CLSTN1: variants seen among roughly 807,000 people sequenced by gnomAD.
The protein encoded by CLSTN1 is calsyntenin-1.
In CLSTN1, 28 loss-of-function variants were observed where a neutral mutation model predicts 108.3. That is an observed-to-expected ratio of 0.26 (90% confidence interval 0.19 to 0.35). CLSTN1 has a LOEUF of 0.35. CLSTN1 is among the 10% of genes least tolerant of loss of function. The probability of loss-of-function intolerance (pLI) is 1.00; values close to 1 mark genes in which losing one functional copy is unlikely to be tolerated. For synonymous variants in CLSTN1, 524 were observed against 534.9 expected (o/e 0.98, Z 0.28); for missense variants, 1,157 against 1,302.6 (o/e 0.89, Z 1.72).
intron 11 of CLSTN1, 109 bp from the exon 12 acceptor site, chr1:9,736,151 T>G: frequency 7.6e-7 from 1 of 1,320,448 alleles, no homozygotes; most frequent in Non-Finnish European, 1.1e-6. Context: ...TGGATGGACA[T>G]GCGGGTTAGT....
chr1:9,807,647 G>A (rs1654562480), intron 1 of CLSTN1, among the ~76,000 whole-genome samples: 1 of 152,204 alleles, frequency 6.6e-6, no homozygotes, highest in African/African-American at 2.4e-5. Context: ...GAAAGGCGTG[G>A]CCACCGTGAA....
At chr1:9,746,385 C>G (rs747339880) in intron 7 of CLSTN1, among the ~76,000 whole-genome samples, 3 of 152,190 alleles carry the variant, frequency 2.0e-5, no homozygotes, top group African/African-American at 4.8e-5. Flanking sequence ...GCTGGACCAG[C>G]CTGGCCTCTT....
intron 2 of CLSTN1, among the ~76,000 whole-genome samples, chr1:9,769,694 G>A (rs921589306): frequency 1.3e-5 from 2 of 152,158 alleles, no homozygotes; most frequent in African/African-American, 4.8e-5. Context: ...ACAGTGGTTG[G>A]CAGGTGCATG....
Position 9,797,581 on chromosome 1 carries a change from C to T in CLSTN1, c.92-24187G>A, listed in dbSNP as rs374553561. ...ATGTGAGCCCAGGAGTTGGAGGTTGCAGTGAGCTATGATTATGCTACTGCA... is the reference window on the plus strand; with the variant it reads ...ATGTGAGCCCAGGAGTTGGAGGTTGTAGTGAGCTATGATTATGCTACTGCA... On this transcript the variant is annotated intron_variant, in intron 1 of 18. Transcript: ENST00000377298. Among the ~76,000 whole-genome samples the T allele has an allele frequency of 2.6e-4, 39 of 152,142 alleles. 1 individual carries two copies. In the East Asian group the frequency reaches 4.1e-3, roughly 16 times the overall value.
chr1:9,740,554 G>C (rs1650926871), intron 10 of CLSTN1, among the ~76,000 whole-genome samples: 1 of 152,162 alleles, frequency 6.6e-6, no homozygotes. Flanking sequence ...AGAAGCACTG[G>C]TGCTCTGGTG....
Position 9,816,906 on chromosome 1 carries a change from C to T in CLSTN1, c.91+6737G>A, listed in dbSNP as rs145408493. Among the ~76,000 whole-genome samples the T allele has an allele frequency of 6.1e-3, 932 of 152,312 alleles. 48 individuals carry two copies. The highest frequency in any genetic ancestry group is 0.052 in the Admixed American group (798 of 15,298). On this transcript the variant is annotated intron_variant, in intron 1 of 18. Coordinates refer to ENST00000377298, the MANE Select transcript of CLSTN1 (RefSeq NM_001009566.3). ...AGATGATCCGCCCACCTCGGCCTCC[C>T]GAAGTGCTAGGATTACAGACGTGAG... is the stretch of plus-strand genomic sequence containing the variant.
rs1016075345 is a variant in CLSTN1 at position 9,734,147 on chromosome 1, A to G, written c.2111-5T>C. ...CGGACACCAGTGATTCTTGAACTGC[A>G]AAAGAGGCCCAACCAGAAATATTAA... On this transcript the variant is annotated splice_region_variant and splice_polypyrimidine_tract_variant and intron_variant, in intron 14 of 18. Transcript: ENST00000377298. This position sits in a 1 kb window ranked among gnomAD's most constrained non-coding sequence, Gnocchi z 4.8. The G allele has an allele frequency of 2.5e-6, 4 of 1,613,772 alleles. No individual in the cohort carries two copies. The highest frequency in any genetic ancestry group is 2.2e-5 in the South Asian group (2 of 91,062).
rs756260826 is a variant in CLSTN1, at chr1:9,735,560, T to C, written c.1790A>G (p.Glu597Gly). The change falls in exon 13 of 19, where the codon GAA becomes GGA. Residue 597 changes from glutamate to glycine, a missense_variant. Coordinates refer to ENST00000377298, the MANE Select transcript of CLSTN1 (RefSeq NM_001009566.3). ...GATGTGCTGCATGGCCTTATCCAAT[T>C]CCCCGAGGTCTTCTCCCTCCAAGGT... ...VLTLEGEDLG[E>G]LDKAMQHISY... 3.1e-6 allele frequency: 5 copies of C among 1,614,104 alleles called. No homozygotes were observed. The highest frequency in any genetic ancestry group is 1.3e-5 in the African/African-American group (1 of 75,020).
Position 9,756,517 on chromosome 1 carries a change from G to A in CLSTN1, c.215-7C>T. On this transcript the variant is annotated splice_polypyrimidine_tract_variant and splice_region_variant and intron_variant, in intron 2 of 18. Transcript: ENST00000377298. Reference sequence around the variant, plus strand: ...ACTGTCACCTCAAAACTCTCTAAAGGGAGAAAAGATAAGCCCATGTCAGTA... The same window carrying A: ...ACTGTCACCTCAAAACTCTCTAAAGAGAGAAAAGATAAGCCCATGTCAGTA... 6.2e-7 allele frequency: 1 copy of A among 1,611,796 alleles called. No individual in the cohort carries two copies. Among genetic ancestry groups the A allele is most frequent in the Non-Finnish European group, 8.5e-7 (1 of 1,178,236 alleles).
intron 1 of CLSTN1, among the ~76,000 whole-genome samples, chr1:9,779,588 C>CA (rs961099854): frequency 4.1e-4 from 60 of 147,760 alleles, no homozygotes; most frequent in East Asian, 1.2e-3. Context: ...TCTCAAAAAA[C>CA]AAAAAAAAAA....
At chr1:9,757,550 G>GT (rs993361498) in intron 2 of CLSTN1, among the ~76,000 whole-genome samples, 28 of 152,156 alleles carry the variant, frequency 1.8e-4, no homozygotes, top group African/African-American at 6.7e-4. Context: ...CGAACAAAAG[G>GT]TTTTAACCCT....
Position 9,758,686 on chromosome 1 carries a change from T to C in CLSTN1, c.215-2176A>G, listed in dbSNP as rs137869237. ...CTTGCTGGTATAGGTAGCTATAGTTTATTCATTTTCACTACTACCTAACAG... is the reference window on the plus strand; with the variant it reads ...CTTGCTGGTATAGGTAGCTATAGTTCATTCATTTTCACTACTACCTAACAG... On this transcript the variant is annotated intron_variant, in intron 2 of 18. Coordinates refer to ENST00000377298, the MANE Select transcript of CLSTN1 (RefSeq NM_001009566.3). 4.8e-3 allele frequency among the ~76,000 whole-genome samples: 730 copies of C among 152,332 alleles called. 3 individuals are homozygous for C. Among genetic ancestry groups the C allele is most frequent in the African/African-American group, 0.016 (656 of 41,580 alleles).
intron 3 of CLSTN1, among the ~76,000 whole-genome samples, chr1:9,755,672 C>A (rs1244183066): frequency 6.6e-6 from 1 of 152,156 alleles, no homozygotes; most frequent in Non-Finnish European, 1.5e-5. Flanking sequence ...ACCAGCGCTG[C>A]CCCAGCTCCT....
intron 2 of CLSTN1, among the ~76,000 whole-genome samples, chr1:9,769,257 C>T (rs1652549245): frequency 6.6e-6 from 1 of 151,886 alleles, no homozygotes; most frequent in Non-Finnish European, 1.5e-5. Flanking sequence ...GAGGACCCCA[C>T]GCTTCAGTCA....
At chr1:9,801,293 T>G (rs1410126418) in intron 1 of CLSTN1, among the ~76,000 whole-genome samples, 1 of 152,126 alleles carries the variant, frequency 6.6e-6, no homozygotes, top group African/African-American at 2.4e-5. Context: ...TGCCTAAAAA[T>G]TTGATAACCT....
At chr1:9,818,646 C>T (rs561826472) in intron 1 of CLSTN1, among the ~76,000 whole-genome samples, 12 of 151,314 alleles carry the variant, frequency 7.9e-5, no homozygotes, top group Admixed American at 6.6e-4. Context: ...TTTTAATGCA[C>T]GAACATGACA....
At position 9,738,869 on chromosome 1, in the gene CLSTN1, G is replaced by A. The variant is rs112776582; in HGVS notation, c.1520-1315C>T. Among the ~76,000 whole-genome samples, 711 of 152,224 alleles carry A rather than the reference G, an allele frequency of 4.7e-3. 9 individuals carry two copies. The highest frequency in any genetic ancestry group is 0.016 in the African/African-American group (659 of 41,542). ...TCACCATGTTGGCCAGGCTGGTCTC[G>A]AAATTCTCCTGACCTTGAGTGATCT... On this transcript the variant is annotated intron_variant, in intron 10 of 18. Coordinates refer to ENST00000377298, the MANE Select transcript of CLSTN1 (RefSeq NM_001009566.3).
intron 2 of CLSTN1, among the ~76,000 whole-genome samples, chr1:9,762,853 G>C (rs555790095): frequency 1.3e-5 from 2 of 152,074 alleles, no homozygotes; most frequent in Admixed American, 1.3e-4. Context: ...CTGGGTGTCC[G>C]GGCTGTCCCT....
intron 12 of CLSTN1, 118 bp downstream of exon 12, chr1:9,735,767 T>C: frequency 6.7e-7 from 1 of 1,500,926 alleles, no homozygotes; most frequent in Non-Finnish European, 9.1e-7. Flanking sequence ...TGAACACAAC[T>C]CTTTTACCCA....
Sources: gnomAD v4.1 joint callset for allele counts (sites outside exome capture counted in the v4.1 genomes callset) on GRCh38, gnomAD v4.1.1 for gene constraint, Gnocchi (gnomAD v3.1) non-coding constraint, MANE v1.5 for transcripts, NCBI Gene and HGNC (gene_info 2026-07-23, HGNC 2026-07-21) for gene names.